The following ATP5MJ variants were observed in gnomAD, a reference collection of about 807,000 sequenced individuals.
ATP5MJ encodes ATP synthase membrane subunit j, also known as ATP synthase F(0) complex subunit j, mitochondrial.
ATP5MJ carries 4 observed loss-of-function variants against 8.3 expected under a neutral mutation model. The observed-to-expected ratio is 0.48, with a 90% CI of 0.24 to 1.11. The LOEUF is 1.11. Among genes scored for constraint, ATP5MJ ranks in the 50% least tolerant of loss-of-function variants. The pLI, the probability that ATP5MJ is intolerant of heterozygous loss-of-function variation, is 0.18. For missense variants in ATP5MJ, 66 were observed against 71.8 expected, an observed-to-expected ratio of 0.92 and a Z score of 0.29; for synonymous variants, 23 against 21.3, an observed-to-expected ratio of 1.08 and a Z score of -0.23.
chr14:103,916,430 A>G (rs1268612288), intron 1 of ATP5MJ, among the ~76,000 whole-genome samples: 1 of 152,146 alleles, frequency 6.6e-6, no homozygotes, highest in Non-Finnish European at 1.5e-5. Context: ...AGCACTTCTC[A>G]TTTCACTTGG....
At chr14:103,920,006 T>C (rs559643978) in intron 1 of ATP5MJ, among the ~76,000 whole-genome samples, 1 of 151,662 alleles carries the variant, frequency 6.6e-6, no homozygotes, top group Non-Finnish European at 1.5e-5. Context: ...TTTGTATTTT[T>C]AGTAGAAACG....
intron 3 of ATP5MJ, 95 bp from the exon 4 acceptor site, chr14:103,912,789 A>C: frequency 8.0e-7 from 1 of 1,251,918 alleles, no homozygotes; most frequent in South Asian, 1.2e-5. Flanking sequence ...GTTGATCAAC[A>C]GTCCAAAAAG....
intron 1 of ATP5MJ, among the ~76,000 whole-genome samples, 175 bp from the exon 2 acceptor site, chr14:103,915,364 T>C (rs2087617109): frequency 6.6e-6 from 1 of 152,078 alleles, no homozygotes; most frequent in Non-Finnish European, 1.5e-5. Context: ...CTTTTTTTTT[T>C]AAGGTGGAGT....
intron 1 of ATP5MJ, among the ~76,000 whole-genome samples, chr14:103,917,779 T>C (rs114196817): frequency 2.3e-4 from 35 of 152,270 alleles, no homozygotes; most frequent in African/African-American, 7.2e-4. Flanking sequence ...CTTTTCGTAC[T>C]TACTTCCTAC....
intron 1 of ATP5MJ, among the ~76,000 whole-genome samples, chr14:103,919,908 C>A (rs1021259054): frequency 6.6e-6 from 1 of 151,910 alleles, no homozygotes; most frequent in Non-Finnish European, 1.5e-5. Context: ...CTCACTGCAA[C>A]CTCCGCCTCC....
At chr14:103,914,162 G>C (rs761138928) in intron 2 of ATP5MJ, 178 bp from the exon 3 acceptor site, 2 of 617,224 alleles carry the variant, frequency 3.2e-6, no homozygotes, top group Non-Finnish European at 5.6e-6. Flanking sequence ...TCTATGAACA[G>C]CTAACAGCCC....
chr14:103,918,444 T>C (rs979263632), intron 1 of ATP5MJ, among the ~76,000 whole-genome samples: 7 of 151,982 alleles, frequency 4.6e-5, no homozygotes, highest in African/African-American at 1.7e-4. Context: ...CATTGCAAGC[T>C]CCGCCTCCCG....
chr14:103,918,551 T>G (rs112086439), intron 1 of ATP5MJ, among the ~76,000 whole-genome samples: 3,451 of 151,756 alleles, frequency 0.023, 75 homozygotes, highest in East Asian at 0.063. Context: ...TAGTAGAGAC[T>G]TGGTTTCACT....
At position 103,912,335 on chromosome 14, in the gene ATP5MJ, CAAGT is replaced by C. The variant is rs2087586810; in HGVS notation, c.*327_*330del. ...TAAACGTTTATTGAGCAGTAGAATA[CAAGT>C]GAGTGCCTGGATCCTGATCACCAAG... On this transcript the variant is annotated 3_prime_UTR_variant, in exon 4 of 4. Coordinates refer to ENST00000286953, the MANE Select transcript of ATP5MJ (RefSeq NM_004894.3). 3.4e-6 allele frequency: 1 copy of C among 297,318 alleles called. No homozygotes were observed. Among genetic ancestry groups the C allele is most frequent in the Non-Finnish European group, 6.2e-6 (1 of 160,282 alleles). 18.4% of individuals were successfully genotyped at this position (297,318 alleles called of 1,614,324 possible).
chr14:103,918,895 G>A (rs1484281895), intron 1 of ATP5MJ, among the ~76,000 whole-genome samples: 3 of 152,064 alleles, frequency 2.0e-5, no homozygotes, highest in East Asian at 2.0e-4. Context: ...GGTGGCGGGC[G>A]CCTGTAGTCC....
chr14:103,920,033 G>T (rs983779663), intron 1 of ATP5MJ, among the ~76,000 whole-genome samples: 1 of 151,474 alleles, frequency 6.6e-6, no homozygotes, highest in African/African-American at 2.4e-5. Context: ...CACCATGTTG[G>T]CCAGGATGGT....
intron 3 of ATP5MJ, chr14:103,912,998 T>C (rs2087592771): frequency 5.6e-6 from 2 of 354,360 alleles, no homozygotes; most frequent in East Asian, 9.7e-5. Context: ...TACAGTTTCA[T>C]TGTCACTCTG....
chr14:103,916,787 G>T (rs935429979), intron 1 of ATP5MJ, among the ~76,000 whole-genome samples: 1 of 152,096 alleles, frequency 6.6e-6, no homozygotes, highest in Non-Finnish European at 1.5e-5. Context: ...CGGCTGTAAT[G>T]CTGCCTCCAC....
rs8095 is a variant in ATP5MJ, at chr14:103,912,515, G to A, written c.*151C>T. 0.11 allele frequency: 89,392 copies of A among 795,914 alleles called. 6,142 individuals are homozygous for A. Among genetic ancestry groups the A allele is most frequent in the Non-Finnish European group, 0.14 (65,307 of 475,642 alleles). 49.3% of individuals were successfully genotyped at this position (795,914 alleles called of 1,614,324 possible). A position where few individuals can be genotyped will look rare whatever the true frequency, so the allele number is the denominator to read the frequency against. ...ACACTGAAAGCAGTACCAGGTAGCAGTGCATCTCACAGATCCATTTATTCA... is the reference window on the plus strand; with the variant it reads ...ACACTGAAAGCAGTACCAGGTAGCAATGCATCTCACAGATCCATTTATTCA... On this transcript the variant is annotated 3_prime_UTR_variant, in exon 4 of 4. Coordinates refer to ENST00000286953, the MANE Select transcript of ATP5MJ (RefSeq NM_004894.3).
intron 1 of ATP5MJ, among the ~76,000 whole-genome samples, chr14:103,916,337 C>T (rs1011226093): frequency 6.6e-6 from 1 of 152,214 alleles, no homozygotes; most frequent in African/African-American, 2.4e-5. Context: ...TAGATGCCCT[C>T]ATTTTCATTT....
intron 1 of ATP5MJ, among the ~76,000 whole-genome samples, chr14:103,917,213 C>T (rs75939604): frequency 0.023 from 3,457 of 152,238 alleles, 74 homozygotes; most frequent in East Asian, 0.063. Context: ...TAACTTAAAC[C>T]GCTTAAGTTT....
At chr14:103,916,932 C>T (rs1405514318) in intron 1 of ATP5MJ, among the ~76,000 whole-genome samples, 2 of 152,270 alleles carry the variant, frequency 1.3e-5, no homozygotes, top group East Asian at 3.9e-4. Context: ...CTGAATCCTT[C>T]ACAAGCCCAA....
At chr14:103,920,965 G>A (rs1257701186) in intron 1 of ATP5MJ, 1 of 1,551,544 alleles carries the variant, frequency 6.4e-7, no homozygotes, top group Non-Finnish European at 8.7e-7. Context: ...GGAAATGTCT[G>A]ACCCGCGAGT....
At chr14:103,913,848 A>T in intron 3 of ATP5MJ, 113 bp downstream of exon 3, 1 of 1,239,642 alleles carries the variant, frequency 8.1e-7, no homozygotes, top group Non-Finnish European at 1.2e-6. Context: ...ACTGCACCTT[A>T]CATATATACT....
Sources: allele counts gnomAD v4.1 joint callset (sites outside exome capture counted in the v4.1 genomes callset), GRCh38; gene constraint gnomAD v4.1.1; transcripts MANE v1.5; gene names NCBI Gene and HGNC (gene_info 2026-07-23, HGNC 2026-07-21).